Variants in DNAJC5 observed in about 807,000 individuals in gnomAD.
The protein encoded by DNAJC5 is DnaJ heat shock protein family (Hsp40) member C5, also known as dnaJ homolog subfamily C member 5.
Under a neutral mutation model 23.2 loss-of-function variants are expected in DNAJC5, and 1 was observed. The ratio of observed to expected loss-of-function variants is 0.04; its 90% confidence interval spans 0.02 to 0.20. DNAJC5 has a LOEUF of 0.20. DNAJC5 is among the 10% of genes least tolerant of loss of function. The pLI, the probability that DNAJC5 is intolerant of heterozygous loss-of-function variation, is 1.00. For missense variants in DNAJC5, 180 were observed against 267.0 expected, an observed-to-expected ratio of 0.67 and a Z score of 2.27; for synonymous variants, 136 against 120.0, an observed-to-expected ratio of 1.13 and a Z score of -0.87.
At chr20:63,898,120 G>C (rs7261678) in intron 1 of DNAJC5, among the ~76,000 whole-genome samples, 152 of 152,286 alleles carry the variant, frequency 1.0e-3, no homozygotes, top group African/African-American at 3.4e-3. Context: ...CTCTAGACCA[G>C]GTTTCTTCTA....
At chr20:63,917,400 G>A (rs2146287186) in intron 1 of DNAJC5, among the ~76,000 whole-genome samples, 1 of 151,932 alleles carries the variant, frequency 6.6e-6, no homozygotes, top group African/African-American at 2.4e-5. Context: ...GACTGCAGGT[G>A]CAATACAAAA....
rs771842422 is a variant in DNAJC5 at position 63,928,257 on chromosome 20, T to C, written c.-11-78T>C. 1.2e-5 allele frequency: 14 copies of C among 1,200,312 alleles called. No homozygotes were observed. Among genetic ancestry groups the C allele is most frequent in the Non-Finnish European group, 1.7e-5 (14 of 820,620 alleles). The allele number at this position is 1,200,312 out of a possible 1,614,324, so 74.4% of individuals were successfully genotyped here. ...GATTCTTTTGCTTTGAACGGTCTTA[T>C]GGAATAAAGTCCATCAGCTCTGCCC... is the stretch of plus-strand genomic sequence containing the variant. On this transcript the variant is annotated intron_variant, in intron 1 of 4. Coordinates refer to ENST00000360864, the MANE Select transcript of DNAJC5 (RefSeq NM_025219.3). This position sits in a 1 kb window ranked among gnomAD's most constrained non-coding sequence, Gnocchi z 4.6.
At chr20:63,908,045 C>T (rs558971492) in intron 1 of DNAJC5, among the ~76,000 whole-genome samples, 3 of 152,332 alleles carry the variant, frequency 2.0e-5, no homozygotes, top group African/African-American at 7.2e-5. Context: ...GGATTACAGG[C>T]GTGAGCCACT....
In DNAJC5 at chr20:63,931,558, G is replaced by T; in HGVS notation, c.587G>T (p.Gly196Val). 6.4e-7 allele frequency: 1 copy of T among 1,571,246 alleles called. No homozygotes were observed. ...TCCCACCCCAGCTACCACACTGACG[G>T]GTTCAACTAAATCCAGGAGGAGCTG... is the stretch of plus-strand genomic sequence containing the variant. ...ADSHPSYHTD[G>V]FN is the part of the protein sequence containing the mutation. Residue 196 changes from glycine to valine, a missense_variant, in exon 5 of 5, where the codon GGG (glycine) becomes GTG (valine). Gly to Val is a moderately radical substitution (Grantham distance 109). Coordinates refer to ENST00000360864, the MANE Select transcript of DNAJC5 (RefSeq NM_025219.3). The surrounding 1 kb of genome is among the most constrained non-coding windows in gnomAD (Gnocchi z 9.6).
rs560162132 is a variant in DNAJC5 at position 63,895,343 on chromosome 20, G to A, written c.-12+20G>A. Reference sequence around the variant, plus strand: ...GGGCAGGTGAGCTCGCTGCGGGTCGGGCGGGCGGATCGGCCCACGTCAGGC... The same window carrying A: ...GGGCAGGTGAGCTCGCTGCGGGTCGAGCGGGCGGATCGGCCCACGTCAGGC... On this transcript the variant is annotated intron_variant, in intron 1 of 4. Transcript: ENST00000360864. 0.013 allele frequency: 1,988 copies of A among 147,356 alleles called. 43 individuals carry two copies. The highest frequency in any genetic ancestry group is 0.087 in the South Asian group (490 of 5,632). 9.1% of individuals were successfully genotyped at this position (147,356 alleles called of 1,614,324 possible). A position where few individuals can be genotyped will look rare whatever the true frequency, so the allele number is the denominator to read the frequency against.
At chr20:63,905,457 C>T (rs1196334852) in intron 1 of DNAJC5, among the ~76,000 whole-genome samples, 1 of 152,004 alleles carries the variant, frequency 6.6e-6, no homozygotes, top group Non-Finnish European at 1.5e-5. Context: ...CACACTCTTG[C>T]CCAGGCTGGT....
chr20:63,913,731 C>T (rs1336496359), intron 1 of DNAJC5, among the ~76,000 whole-genome samples: 1 of 152,058 alleles, frequency 6.6e-6, no homozygotes, highest in African/African-American at 2.4e-5. Flanking sequence ...CGGGCACCTA[C>T]GACCACGCCC....
intron 1 of DNAJC5, among the ~76,000 whole-genome samples, chr20:63,899,888 T>TC (rs1262479105): frequency 1.4e-5 from 2 of 144,482 alleles, no homozygotes; most frequent in East Asian, 4.2e-4. Flanking sequence ...GGCTTTTTTT[T>TC]TTTTTTTTTT....
At chr20:63,902,672 C>CTGGT in intron 1 of DNAJC5, among the ~76,000 whole-genome samples, 1 of 106,826 alleles carries the variant, frequency 9.4e-6, no homozygotes, top group African/African-American at 3.2e-5. Flanking sequence ...CTGGCCTCAT[C>CTGGT]TTGTTTTTTT....
At chr20:63,925,414 CAG>C (rs1253337513) in intron 1 of DNAJC5, among the ~76,000 whole-genome samples, 10 of 152,136 alleles carry the variant, frequency 6.6e-5, no homozygotes, top group African/African-American at 2.4e-4. Flanking sequence ...ACCCGGGAGG[CAG>C]AGATTGCAGT....
intron 1 of DNAJC5, among the ~76,000 whole-genome samples, chr20:63,913,812 CAG>C (rs1489311468): frequency 6.6e-6 from 1 of 152,186 alleles, no homozygotes; most frequent in African/African-American, 2.4e-5. Flanking sequence ...CTCCTGACCT[CAG>C]GGGATCCGCC....
intron 1 of DNAJC5, among the ~76,000 whole-genome samples, chr20:63,905,182 C>T (rs1472700616): frequency 6.6e-6 from 1 of 151,002 alleles, no homozygotes; most frequent in Non-Finnish European, 1.5e-5. Context: ...ATGGCACGAT[C>T]TCGGCTCACT....
intron 1 of DNAJC5, among the ~76,000 whole-genome samples, chr20:63,921,329 C>G (rs572775557): frequency 6.6e-6 from 1 of 152,118 alleles, no homozygotes; most frequent in African/African-American, 2.4e-5. Context: ...TGGTGGCTCA[C>G]ACCTGTAATC....
At position 63,928,150 on chromosome 20, in the gene DNAJC5, G is replaced by A. The variant is rs1268882298; in HGVS notation, c.-11-185G>A. Among the ~76,000 whole-genome samples the A allele has an allele frequency of 6.6e-6, 1 of 152,118 alleles. No individual in the cohort carries two copies. The highest frequency in any genetic ancestry group is 6.5e-5 in the Admixed American group (1 of 15,270). On this transcript the variant is annotated intron_variant, in intron 1 of 4. Transcript: ENST00000360864. This position sits in a 1 kb window ranked among gnomAD's most constrained non-coding sequence, Gnocchi z 4.6. ...GCTGCAGTTCTTCAGGATCTCTTGG[G>A]GTGGCCGTATTCTGCCGTCTCACAC...
chr20:63,896,595 T>G (rs1437794293), intron 1 of DNAJC5, among the ~76,000 whole-genome samples: 1 of 152,140 alleles, frequency 6.6e-6, no homozygotes, highest in African/African-American at 2.4e-5. Flanking sequence ...AGCCACATGC[T>G]CTGTCCTTGG....
At chr20:63,907,433 A>G (rs74340871) in intron 1 of DNAJC5, among the ~76,000 whole-genome samples, 2,870 of 152,314 alleles carry the variant, frequency 0.019, 106 homozygotes, top group African/African-American at 0.065. Context: ...CAGCTCCCAG[A>G]CATACCTTGC....
chr20:63,922,824 G>T (rs1224813409), intron 1 of DNAJC5, among the ~76,000 whole-genome samples: 1 of 151,980 alleles, frequency 6.6e-6, no homozygotes, highest in African/African-American at 2.4e-5. Flanking sequence ...ACCATTTCCA[G>T]TGGTCTTCAT....
chr20:63,903,988 A>T (rs1475044610), intron 1 of DNAJC5, among the ~76,000 whole-genome samples: 2 of 152,144 alleles, frequency 1.3e-5, no homozygotes, highest in Non-Finnish European at 2.9e-5. Flanking sequence ...CGAGAGGCTG[A>T]GGTCAGGCTG....
Position 63,929,683 on chromosome 20 carries a change from C to CGCCCG in DNAJC5, c.321+158_321+159insGCCCG, listed in dbSNP as rs1278740369. Among the ~76,000 whole-genome samples, 2,848 of 150,532 alleles carry CGCCCG rather than the reference C, an allele frequency of 0.019. 335 individuals are homozygous for CGCCCG. Among genetic ancestry groups the CGCCCG allele is most frequent in the East Asian group, 0.053 (267 of 5,050 alleles). On this transcript the variant is annotated intron_variant, in intron 3 of 4. Coordinates refer to ENST00000360864, the MANE Select transcript of DNAJC5 (RefSeq NM_025219.3). This position sits in a 1 kb window ranked among gnomAD's most constrained non-coding sequence, Gnocchi z 8.6. ...ACCCGAGTCTCTCCTGCCGTGCGGGCACCCGAGTCACTCCTGCCGTGCGGG... is the reference window on the plus strand; with the variant it reads ...ACCCGAGTCTCTCCTGCCGTGCGGGCGCCCGACCCGAGTCACTCCTGCCGTGCGGG...
Sources: gnomAD v4.1 joint callset for allele counts (sites outside exome capture counted in the v4.1 genomes callset) on GRCh38, gnomAD v4.1.1 for gene constraint, Gnocchi (gnomAD v3.1) non-coding constraint, MANE v1.5 for transcripts, NCBI Gene and HGNC (gene_info 2026-07-23, HGNC 2026-07-21) for gene names.